The following OSTN variants were observed in gnomAD, a reference collection of about 807,000 sequenced individuals.
OSTN encodes the protein osteocrin.
Under a neutral mutation model 12.0 loss-of-function variants are expected in OSTN, and 9 were observed. The ratio of observed to expected loss-of-function variants is 0.75; its 90% CI spans 0.45 to 1.30. The LOEUF (loss-of-function observed/expected upper bound fraction) is 1.30, where lower values mean the gene tolerates loss of function less well. Ranked by LOEUF, OSTN falls within the 50% of genes most tolerant of loss-of-function variation. The pLI, the probability that OSTN is intolerant of heterozygous loss-of-function variation, is 0.00. For synonymous variants in OSTN, 59 were observed against 56.9 expected (o/e 1.04, Z -0.16); for missense variants, 148 against 152.3 (o/e 0.97, Z 0.15).
chr3:191,228,774 T>A (rs1184006213), intron 3 of OSTN: 4 of 152,282 alleles, frequency 2.6e-5, no homozygotes, highest in African/African-American at 9.6e-5. Context: ...CTTTATAGAA[T>A]TTTTCCATCT....
chr3:191,263,555 G>A lies in OSTN; in HGVS notation c.*702G>A, dbSNP rs1715856764. On this transcript the variant is annotated 3_prime_UTR_variant, in exon 5 of 5. Coordinates refer to ENST00000682035, the MANE Select transcript of OSTN (RefSeq NM_198184.2). Reference sequence around the variant, plus strand: ...TAGTGTCTCATTAGGAGGGGAGTAAGCTCACACAGAGGTAAAAATGAAAGT... The same window carrying A: ...TAGTGTCTCATTAGGAGGGGAGTAAACTCACACAGAGGTAAAAATGAAAGT... The A allele has an allele frequency of 6.6e-6, 1 of 152,158 alleles. No homozygotes were observed. Among genetic ancestry groups the A allele is most frequent in the Admixed American group, 6.5e-5 (1 of 15,276 alleles). 9.4% of individuals were successfully genotyped at this position (152,158 alleles called of 1,614,324 possible). A position where few individuals can be genotyped will look rare whatever the true frequency, so the allele number is the denominator to read the frequency against.
chr3:191,208,820 A>C (rs1319071277), intron 1 of OSTN, among the ~76,000 whole-genome samples: 1 of 152,240 alleles, frequency 6.6e-6, no homozygotes, highest in Non-Finnish European at 1.5e-5. Flanking sequence ...AACATAAAGA[A>C]TTGTAGTTTG....
At chr3:191,219,059 TTGTATA>T in intron 3 of OSTN, 98 bp downstream of exon 3, 1 of 1,064,166 alleles carries the variant, frequency 9.4e-7, no homozygotes, top group Non-Finnish European at 1.3e-6. Context: ...AGTGAAAACC[TTGTATA>T]TATAAACAGA....
intron 3 of OSTN, among the ~76,000 whole-genome samples, chr3:191,240,099 C>G (rs1484891404): frequency 6.6e-6 from 1 of 152,146 alleles, no homozygotes; most frequent in Non-Finnish European, 1.5e-5. Context: ...AGAAAAAAAG[C>G]CATTATGTTT....
intron 3 of OSTN, among the ~76,000 whole-genome samples, chr3:191,232,600 TCA>T: frequency 8.1e-6 from 1 of 124,200 alleles, no homozygotes; most frequent in Non-Finnish European, 1.8e-5. Context: ...AGTGACTAAA[TCA>T]TTTTTTTTTT....
intron 3 of OSTN, among the ~76,000 whole-genome samples, chr3:191,222,945 C>T (rs568557837): frequency 2.0e-5 from 3 of 152,248 alleles, no homozygotes; most frequent in South Asian, 2.1e-4. Flanking sequence ...GTGTTTGCTT[C>T]TCCTTCTACC....
rs207464178 is a variant in OSTN, at chr3:191,264,181, A to G, written c.*1328A>G. 6.6e-6 allele frequency: 1 copy of G among 152,144 alleles called. No homozygotes were observed. Among genetic ancestry groups the G allele is most frequent in the African/African-American group, 2.4e-5 (1 of 41,452 alleles). The allele number at this position is 152,144 out of a possible 1,614,324, so 9.4% of individuals were successfully genotyped here. ...AGAGGAGAGAAATGGGCAATTGCTA[A>G]TCTTAACTAAAAATTAATGGACTTG... On this transcript the variant is annotated 3_prime_UTR_variant, in exon 5 of 5. Coordinates refer to ENST00000682035, the MANE Select transcript of OSTN (RefSeq NM_198184.2).
At chr3:191,232,181 A>C (rs1715073540) in intron 3 of OSTN, among the ~76,000 whole-genome samples, 1 of 151,382 alleles carries the variant, frequency 6.6e-6, no homozygotes, top group African/African-American at 2.4e-5. Context: ...AAATACAAAA[A>C]TCAGCCAGGC....
At chr3:191,232,331 T>TAAAAAAAAAAAAAAAAAA (rs61313474) in intron 3 of OSTN, among the ~76,000 whole-genome samples, 13 of 67,490 alleles carry the variant, frequency 1.9e-4, no homozygotes, top group African/African-American at 1.1e-3. Context: ...AGACTCTGTC[T>TAAAAAAAAAAAAAAAAAA]AAAAAAAAAA....
At chr3:191,238,928 C>A (rs557038691) in intron 3 of OSTN, among the ~76,000 whole-genome samples, 1 of 152,336 alleles carries the variant, frequency 6.6e-6, no homozygotes, top group Admixed American at 6.5e-5. Context: ...AGACCCTAAC[C>A]CTCAAAAGAA....
At chr3:191,236,208 G>C (rs903669542) in intron 3 of OSTN, among the ~76,000 whole-genome samples, 11 of 152,120 alleles carry the variant, frequency 7.2e-5, no homozygotes, top group African/African-American at 2.7e-4. Context: ...CTCTCTTTCT[G>C]TCTCTTTTTT....
intron 1 of OSTN, among the ~76,000 whole-genome samples, chr3:191,200,213 G>T (rs990518647): frequency 1.3e-5 from 2 of 152,056 alleles, no homozygotes; most frequent in Non-Finnish European, 2.9e-5. Context: ...TCTTCAGCAC[G>T]CTTACAGAAC....
chr3:191,200,519 C>T (rs1714128522), intron 1 of OSTN, among the ~76,000 whole-genome samples: 1 of 152,050 alleles, frequency 6.6e-6, no homozygotes, highest in Non-Finnish European at 1.5e-5. Context: ...GAACTTGTCT[C>T]AAAAATAAAG....
chr3:191,231,613 G>A (rs573694466), intron 3 of OSTN, among the ~76,000 whole-genome samples: 8 of 152,166 alleles, frequency 5.3e-5, no homozygotes, highest in East Asian at 3.9e-4. Flanking sequence ...AGTGTTATAC[G>A]CATGAGTGTG....
chr3:191,203,925 TTGGCC>T, intron 1 of OSTN, among the ~76,000 whole-genome samples: 1 of 152,330 alleles, frequency 6.6e-6, no homozygotes, highest in Admixed American at 6.5e-5. Flanking sequence ...TTCGCTCTTG[TTGGCC>T]AAGCTGGAGT....
Position 191,204,245 on chromosome 3 carries a change from C to T in OSTN, c.-1+4938C>T, listed in dbSNP as rs963586333. On this transcript the variant is annotated intron_variant, in intron 1 of 4. Transcript: ENST00000682035. Reference sequence around the variant, plus strand: ...TTAAATTTCTCAATGTCAGCTTGCTCCTTTTTTTCAGGAATCCAAAACATA... The same window carrying T: ...TTAAATTTCTCAATGTCAGCTTGCTTCTTTTTTTCAGGAATCCAAAACATA... 7.2e-5 allele frequency among the ~76,000 whole-genome samples: 11 copies of T among 152,006 alleles called. No homozygotes were observed. In the South Asian group the frequency reaches 1.7e-3, roughly 23 times the overall value.
rs1422884914 is a variant in OSTN, at chr3:191,262,915, T to G, written c.*62T>G. ...CACAGCAATATGGAAGATGCTTCAC[T>G]GAAGTTATTCACACTTCTTAATGAT... On this transcript the variant is annotated 3_prime_UTR_variant, in exon 5 of 5. Transcript: ENST00000682035. 1.4e-6 allele frequency: 1 copy of G among 701,742 alleles called. No homozygotes were observed. The highest frequency in any genetic ancestry group is 1.7e-5 in the African/African-American group (1 of 57,250). 43.5% of individuals were successfully genotyped at this position (701,742 alleles called of 1,614,324 possible).
chr3:191,233,208 C>A (rs1256945816), intron 3 of OSTN, among the ~76,000 whole-genome samples: 1 of 152,174 alleles, frequency 6.6e-6, no homozygotes, highest in South Asian at 2.1e-4. Context: ...ACAGGGAAAA[C>A]CCTATATCAG....
At chr3:191,257,042 C>G (rs569287901) in intron 4 of OSTN, among the ~76,000 whole-genome samples, 1 of 151,820 alleles carries the variant, frequency 6.6e-6, no homozygotes, top group Non-Finnish European at 1.5e-5. Context: ...TTAAATTAGT[C>G]AAGCATTGTG....
Sources: allele counts gnomAD v4.1 joint callset (sites outside exome capture counted in the v4.1 genomes callset), GRCh38; gene constraint gnomAD v4.1.1; transcripts MANE v1.5; gene names NCBI Gene and HGNC (gene_info 2026-07-23, HGNC 2026-07-21).